The following ANKRD30B variants were observed in gnomAD, a reference collection of about 807,000 sequenced individuals.
ANKRD30B encodes ankyrin repeat domain 30B, also known as ankyrin repeat domain-containing protein 30B.
A neutral mutation model predicts 202.2 loss-of-function variants in ANKRD30B; 144 were observed. That is an observed-to-expected ratio of 0.71 (90% CI 0.62 to 0.82). The LOEUF (loss-of-function observed/expected upper bound fraction) is 0.82. ANKRD30B is among the 40% of genes least tolerant of loss of function. The pLI is 0.00. For synonymous variants in ANKRD30B, 508 were observed against 561.3 expected, an observed-to-expected ratio of 0.91 and a Z score of 1.34; for missense variants, 1,487 against 1,669.1, an observed-to-expected ratio of 0.89 and a Z score of 1.90.
chr18:14,752,767 T>G, intron 2 of ANKRD30B, 72 bp from the exon 3 acceptor site: 2 of 1,543,340 alleles, frequency 1.3e-6, no homozygotes, highest in South Asian at 1.2e-5. Flanking sequence ...TACAACTAGT[T>G]TGTGAAACCT....
intron 16 of ANKRD30B, among the ~76,000 whole-genome samples, chr18:14,795,239 C>A (rs928853746): frequency 5.9e-5 from 9 of 152,164 alleles, no homozygotes; most frequent in African/African-American, 2.2e-4. Flanking sequence ...CTCTGTCATC[C>A]AGGCTGGAGT....
At chr18:14,902,426 G>A in the ANKRD30B span, among the ~76,000 whole-genome samples, 1 of 152,082 alleles carries the variant, frequency 6.6e-6, no homozygotes, top group Non-Finnish European at 1.5e-5. Context: ...AATCTTAAGA[G>A]GCTTTTAAAG....
intron 7 of ANKRD30B, among the ~76,000 whole-genome samples, chr18:14,766,242 G>T (rs945390378): frequency 6.6e-6 from 1 of 151,798 alleles, no homozygotes; most frequent in East Asian, 1.9e-4. Flanking sequence ...GGAGGCCAAG[G>T]TGGGCAGATC....
intron 7 of ANKRD30B, among the ~76,000 whole-genome samples, chr18:14,767,252 A>G (rs1351809428): frequency 1.3e-5 from 2 of 152,226 alleles, no homozygotes; most frequent in Non-Finnish European, 2.9e-5. Context: ...AAATAAGTAC[A>G]GTAATTCACC....
At chr18:14,939,983 T>G in the ANKRD30B span, among the ~76,000 whole-genome samples, 1 of 152,220 alleles carries the variant, frequency 6.6e-6, no homozygotes, top group Non-Finnish European at 1.5e-5. Flanking sequence ...CATAAATATG[T>G]GTATGCCGGG....
At chr18:14,851,200 T>C (rs1971868189) in intron 41 of ANKRD30B, among the ~76,000 whole-genome samples, 2 of 151,690 alleles carry the variant, frequency 1.3e-5, no homozygotes. Context: ...ATTAATCTTT[T>C]ATTTTATGCT....
At chr18:14,844,449 C>A (rs1784817569) in intron 39 of ANKRD30B, among the ~76,000 whole-genome samples, 1 of 152,118 alleles carries the variant, frequency 6.6e-6, no homozygotes, top group African/African-American at 2.4e-5. Flanking sequence ...CTTCATGGTA[C>A]ATATATGACA....
intron 8 of ANKRD30B, 124 bp from the exon 9 acceptor site, chr18:14,772,032 G>A: frequency 2.0e-6 from 1 of 491,112 alleles, no homozygotes; most frequent in South Asian, 4.6e-5. Context: ...ACAGAGGACT[G>A]GTCTTTCCCC....
intron 30 of ANKRD30B, among the ~76,000 whole-genome samples, chr18:14,820,185 A>G (rs1970340022): frequency 6.6e-6 from 1 of 152,138 alleles, no homozygotes; most frequent in South Asian, 2.1e-4. Context: ...GTGTATAAGA[A>G]TGCTTGTGAT....
the ANKRD30B span, among the ~76,000 whole-genome samples, chr18:14,867,791 T>C: frequency 1.3e-5 from 2 of 152,182 alleles, no homozygotes; most frequent in South Asian, 4.1e-4. Context: ...GAGGAGAGGC[T>C]GGACTTTGGA....
At chr18:14,752,357 G>T (rs760588585) in intron 1 of ANKRD30B, among the ~76,000 whole-genome samples, 1 of 152,124 alleles carries the variant, frequency 6.6e-6, no homozygotes, top group Non-Finnish European at 1.5e-5. Context: ...GAATCCAAAG[G>T]CCAAGCTCTT....
At chr18:14,854,668 C>A (rs935754950), downstream of ANKRD30B, among the ~76,000 whole-genome samples, 2 of 152,122 alleles carry the variant, frequency 1.3e-5, no homozygotes, top group African/African-American at 4.8e-5. Flanking sequence ...TATAAAAACA[C>A]AAATTTCCTT....
chr18:14,869,983 G>A, the ANKRD30B span, among the ~76,000 whole-genome samples: 3 of 151,604 alleles, frequency 2.0e-5, no homozygotes, highest in African/African-American at 7.3e-5. Flanking sequence ...TTACAGGCAC[G>A]GGCCACCACG....
At chr18:14,826,056 G>GATAA (rs1196725921) in intron 32 of ANKRD30B, among the ~76,000 whole-genome samples, 86 of 152,158 alleles carry the variant, frequency 5.7e-4, no homozygotes, top group African/African-American at 2.0e-3. Flanking sequence ...TAGGTAATTG[G>GATAA]TTTATACGTA....
chr18:14,773,420 A>G (rs764793777), intron 9 of ANKRD30B, among the ~76,000 whole-genome samples: 1 of 152,178 alleles, frequency 6.6e-6, no homozygotes, highest in Non-Finnish European at 1.5e-5. Flanking sequence ...TATATAATGG[A>G]ATATTACAAG....
chr18:14,808,342 T>C, intron 24 of ANKRD30B: 1 of 595,064 alleles, frequency 1.7e-6, no homozygotes, highest in Middle Eastern at 4.7e-4. Context: ...ATAGCACGTT[T>C]GATGAAATTT....
chr18:14,778,473 A>G (rs577162263), intron 10 of ANKRD30B, among the ~76,000 whole-genome samples: 6 of 152,346 alleles, frequency 3.9e-5, no homozygotes, highest in African/African-American at 1.4e-4. Context: ...ACCTTTCTTT[A>G]CCAAAATTTG....
chr18:14,879,305 A>G, the ANKRD30B span, among the ~76,000 whole-genome samples: 1 of 151,536 alleles, frequency 6.6e-6, no homozygotes, highest in East Asian at 2.0e-4. Context: ...CGAGGCGGCC[A>G]CAGTGCAAGA....
At chr18:14,753,358 G>A (rs372596015) in intron 3 of ANKRD30B, among the ~76,000 whole-genome samples, 41 of 152,126 alleles carry the variant, frequency 2.7e-4, no homozygotes, top group African/African-American at 8.7e-4. Flanking sequence ...TTTAGGATAC[G>A]TGCAGAAATC....
Sources: gnomAD v4.1 joint callset for allele counts (sites outside exome capture counted in the v4.1 genomes callset) on GRCh38, gnomAD v4.1.1 for gene constraint, MANE v1.5 for transcripts, NCBI Gene and HGNC (gene_info 2026-07-23, HGNC 2026-07-21) for gene names.